The following GABRB3 variants were observed in gnomAD, a reference collection of about 807,000 sequenced individuals.
GABRB3 encodes the protein gamma-aminobutyric acid receptor subunit beta-3.
A neutral mutation model predicts 52.1 loss-of-function variants in GABRB3; 14 were observed. The observed-to-expected ratio is 0.27, with a 90% CI of 0.18 to 0.42. GABRB3 has a LOEUF of 0.42. Among genes scored for constraint, GABRB3 ranks in the 10% least tolerant of loss-of-function variants. The pLI is 1.00. For missense variants in GABRB3, 307 were observed against 609.1 expected (o/e 0.50, Z 5.22); for synonymous variants, 260 against 232.3 (o/e 1.12, Z -1.08).
chr15:26,589,937 CA>C (rs1891132514), intron 4 of GABRB3, among the ~76,000 whole-genome samples: 1 of 152,090 alleles, frequency 6.6e-6, no homozygotes, highest in Non-Finnish European at 1.5e-5. Context: ...TTTAATGTCC[CA>C]AATGTAAGAG....
intron 3 of GABRB3, among the ~76,000 whole-genome samples, chr15:26,735,087 CA>C (rs1890031897): frequency 6.6e-6 from 1 of 152,106 alleles, no homozygotes; most frequent in Non-Finnish European, 1.5e-5. Flanking sequence ...CAGACATAAA[CA>C]AGCATTTTTC....
At chr15:26,586,716 G>A (rs1370987187) in intron 4 of GABRB3, among the ~76,000 whole-genome samples, 2 of 147,546 alleles carry the variant, frequency 1.4e-5, no homozygotes, top group Admixed American at 6.7e-5. Context: ...GAGAGAGAGA[G>A]AAAGCGAAGA....
chr15:26,588,761 G>A (rs1202393941), intron 4 of GABRB3, among the ~76,000 whole-genome samples: 4 of 152,238 alleles, frequency 2.6e-5, no homozygotes, highest in East Asian at 3.9e-4. Flanking sequence ...AATATAATGA[G>A]TAAATGCCGA....
At chr15:26,615,411 C>T in intron 4 of GABRB3, 1 of 986,048 alleles carries the variant, frequency 1.0e-6, no homozygotes, top group Non-Finnish European at 1.2e-6. Flanking sequence ...TCATATTCAG[C>T]TGAGCTCAAG....
chr15:26,732,367 TAAAC>T (rs1889951618), intron 3 of GABRB3, among the ~76,000 whole-genome samples: 1 of 151,960 alleles, frequency 6.6e-6, no homozygotes. Context: ...GAGAGATAAA[TAAAC>T]AGCACATCTA....
chr15:26,553,213 C>T (rs866186827), intron 8 of GABRB3, among the ~76,000 whole-genome samples: 2 of 152,130 alleles, frequency 1.3e-5, no homozygotes, highest in African/African-American at 2.4e-5. Flanking sequence ...TGCAGTGGCG[C>T]GATCTCGGCT....
chr15:26,559,308 G>C (rs1227687884), intron 8 of GABRB3, among the ~76,000 whole-genome samples: 1 of 152,150 alleles, frequency 6.6e-6, no homozygotes, highest in Non-Finnish European at 1.5e-5. Flanking sequence ...GTTGCCTGCA[G>C]CTCCTGCTTT....
intron 3 of GABRB3, chr15:26,624,512 T>C: frequency 1.0e-6 from 1 of 985,458 alleles, no homozygotes; most frequent in Non-Finnish European, 1.2e-6. Flanking sequence ...ACTCACAGCC[T>C]GACAGCTCGG....
chr15:26,663,729 A>C (rs1887619623), intron 3 of GABRB3, among the ~76,000 whole-genome samples: 1 of 152,178 alleles, frequency 6.6e-6, no homozygotes, highest in South Asian at 2.1e-4. Context: ...AATAGCCTTG[A>C]GAGGTCAAGG....
chr15:26,658,687 C>T lies in GABRB3; in HGVS notation c.241-37153G>A, dbSNP rs573627231. On this transcript the variant is annotated intron_variant, in intron 3 of 8. Transcript: ENST00000311550. ...CCTCCATCATTCCTGCCAATACTGCCATATTATTTGCACGAGGTTCCCTGT... is the reference window on the plus strand; with the variant it reads ...CCTCCATCATTCCTGCCAATACTGCTATATTATTTGCACGAGGTTCCCTGT... 2.6e-5 allele frequency: 4 copies of T among 152,306 alleles called. No homozygotes were observed. In the East Asian group the frequency reaches 7.7e-4, roughly 29 times the overall value. The allele number at this position is 152,306 out of a possible 1,614,324, so 9.4% of individuals were successfully genotyped here. A position where few individuals can be genotyped will look rare whatever the true frequency, so the allele number is the denominator to read the frequency against.
At chr15:26,563,090 C>A (rs1305190456) in intron 7 of GABRB3, among the ~76,000 whole-genome samples, 1 of 152,172 alleles carries the variant, frequency 6.6e-6, no homozygotes, top group Admixed American at 6.5e-5. Flanking sequence ...CGTCTCTCCC[C>A]CTTCAACTTG....
At chr15:26,597,653 C>T (rs1449277065) in intron 4 of GABRB3, among the ~76,000 whole-genome samples, 1 of 152,118 alleles carries the variant, frequency 6.6e-6, no homozygotes, top group Non-Finnish European at 1.5e-5. Context: ...CTAACAAAAG[C>T]CCCAATACAT....
intron 3 of GABRB3, among the ~76,000 whole-genome samples, chr15:26,751,409 C>T (rs1232982021): frequency 5.3e-5 from 8 of 152,180 alleles, no homozygotes; most frequent in Non-Finnish European, 7.3e-5. Flanking sequence ...CAATTTCCGA[C>T]TCCTGAAACA....
At chr15:26,728,891 T>G (rs545344732) in intron 3 of GABRB3, among the ~76,000 whole-genome samples, 14 of 152,318 alleles carry the variant, frequency 9.2e-5, no homozygotes, top group African/African-American at 3.4e-4. Flanking sequence ...TATGGTTACA[T>G]AAATTTGCTC....
intron 3 of GABRB3, among the ~76,000 whole-genome samples, chr15:26,759,746 A>C (rs1890762565): frequency 1.3e-5 from 2 of 152,224 alleles, no homozygotes. Context: ...CAGAAATACC[A>C]CAAAAGATTA....
chr15:26,659,561 T>A (rs998691664), intron 3 of GABRB3, among the ~76,000 whole-genome samples: 5 of 152,066 alleles, frequency 3.3e-5, no homozygotes, highest in African/African-American at 4.8e-5. Flanking sequence ...AATAACAGGT[T>A]AAGTATCATG....
In GABRB3 at chr15:26,767,465, T is replaced by C. The variant is rs370992451; in HGVS notation, c.240+4937A>G. 7.2e-5 allele frequency among the ~76,000 whole-genome samples: 11 copies of C among 152,324 alleles called. No individual in the cohort carries two copies. In the South Asian group the frequency reaches 1.2e-3, roughly 17 times the overall value. On this transcript the variant is annotated intron_variant, in intron 3 of 8. Coordinates refer to ENST00000311550, the MANE Select transcript of GABRB3 (RefSeq NM_000814.6). Reference sequence around the variant, plus strand: ...ATTTTCTCTGTAGAGCTCAGCCTCTTATGATATCACTTTGGTATCAATTGT... The same window carrying C: ...ATTTTCTCTGTAGAGCTCAGCCTCTCATGATATCACTTTGGTATCAATTGT...
chr15:26,624,870 G>A, intron 3 of GABRB3: 1 of 985,478 alleles, frequency 1.0e-6, no homozygotes, highest in Non-Finnish European at 1.2e-6. Context: ...GGGAGCCATG[G>A]TGCCGCTCCT....
At chr15:26,668,792 T>C (rs957970699) in intron 3 of GABRB3, among the ~76,000 whole-genome samples, 12 of 152,158 alleles carry the variant, frequency 7.9e-5, no homozygotes, top group African/African-American at 2.7e-4. Flanking sequence ...CTGTACACAT[T>C]AGGCCCTCAA....
Sources: allele counts gnomAD v4.1 joint callset (sites outside exome capture counted in the v4.1 genomes callset), GRCh38; gene constraint gnomAD v4.1.1; transcripts MANE v1.5; gene names NCBI Gene and HGNC (gene_info 2026-07-23, HGNC 2026-07-21).